The following MERTK variants were observed in gnomAD, a reference collection of about 807,000 sequenced individuals.
MERTK encodes the protein MER proto-oncogene, tyrosine kinase.
MERTK carries 69 observed loss-of-function variants against 99.3 expected under a neutral mutation model. The observed-to-expected ratio is 0.70, with a 90% CI of 0.57 to 0.85. The LOEUF (loss-of-function observed/expected upper bound fraction) is 0.85. Among genes scored for constraint, MERTK ranks in the 40% least tolerant of loss-of-function variants. MERTK has a pLI of 0.00. For missense variants in MERTK, 1,125 were observed against 1,249.4 expected, an observed-to-expected ratio of 0.90 and a Z score of 1.50; for synonymous variants, 426 against 467.6, an observed-to-expected ratio of 0.91 and a Z score of 1.15.
Position 112,018,760 on chromosome 2 carries a change from G to C in MERTK, c.2080-653G>C, listed in dbSNP as rs558026600. 5.9e-5 allele frequency among the ~76,000 whole-genome samples: 9 copies of C among 152,308 alleles called. No individual in the cohort carries two copies. In the East Asian group the frequency reaches 1.5e-3, roughly 26 times the overall value. ...GTTTTCTAACACAGCAATCTAGTTT[G>C]ATTTTTATAAGCTAGAGAAAACACT... On this transcript the variant is annotated intron_variant, in intron 15 of 18. Transcript: ENST00000295408.
chr2:111,962,117 T>C (rs943981444), intron 4 of MERTK, among the ~76,000 whole-genome samples: 14 of 152,248 alleles, frequency 9.2e-5, no homozygotes, highest in African/African-American at 3.4e-4. Context: ...TTTATGAAGA[T>C]ACTACTGTAT....
intron 3 of MERTK, among the ~76,000 whole-genome samples, chr2:111,946,067 G>T (rs1319453432): frequency 1.3e-5 from 2 of 152,148 alleles, no homozygotes; most frequent in African/African-American, 4.8e-5. Context: ...GGAAGCCTCA[G>T]GGAGCACAGA....
At chr2:111,931,994 G>A (rs1326137587) in intron 2 of MERTK, among the ~76,000 whole-genome samples, 3 of 152,122 alleles carry the variant, frequency 2.0e-5, no homozygotes, top group African/African-American at 7.2e-5. Context: ...TCTTGTTTTG[G>A]ACCCATCTCT....
chr2:111,956,137 A>T (rs1422293628), intron 4 of MERTK, among the ~76,000 whole-genome samples: 1 of 152,150 alleles, frequency 6.6e-6, no homozygotes, highest in Non-Finnish European at 1.5e-5. Flanking sequence ...GTTAGTGGGT[A>T]AGAGCTCTAG....
At chr2:111,906,573 T>C (rs567242118) in intron 1 of MERTK, among the ~76,000 whole-genome samples, 13 of 152,368 alleles carry the variant, frequency 8.5e-5, no homozygotes, top group East Asian at 7.7e-4. Context: ...TAAATATTCA[T>C]GGACTTCCCA....
chr2:111,991,147 A>G (rs1341004377), intron 8 of MERTK, among the ~76,000 whole-genome samples: 2 of 152,148 alleles, frequency 1.3e-5, no homozygotes, highest in Non-Finnish European at 2.9e-5. Context: ...CTACCTGATG[A>G]TTTTCTGCCT....
At chr2:112,001,074 A>AG (rs1434706535) in intron 10 of MERTK, 127 bp from the exon 11 acceptor site, 2 of 737,288 alleles carry the variant, frequency 2.7e-6, no homozygotes, top group East Asian at 5.2e-5. Context: ...CGTTTCTTCT[A>AG]GGGGGAAAGC....
intron 18 of MERTK, among the ~76,000 whole-genome samples, chr2:112,027,997 TTC>T (rs1483307929): frequency 2.6e-5 from 4 of 152,240 alleles, no homozygotes; most frequent in Admixed American, 2.6e-4. Context: ...GATAGCTGTG[TTC>T]CAATAAAACT....
At chr2:111,947,850 G>A (rs10171303) in intron 4 of MERTK, among the ~76,000 whole-genome samples, 9,623 of 152,134 alleles carry the variant, frequency 0.063, 358 homozygotes, top group African/African-American at 0.1. Flanking sequence ...AGCCCTGCTC[G>A]CATCTCCCAT....
rs1473640939 is a variant in MERTK at position 111,994,371 on chromosome 2, A to G, written c.1417A>G (p.Ser473Gly). 2 of 1,614,090 alleles carry G rather than the reference A, an allele frequency of 1.2e-6. No homozygotes were observed. The highest frequency in any genetic ancestry group is 1.7e-6 in the Non-Finnish European group (2 of 1,180,048). ...AVTRGGVGPF[S>G]DPVKIFIPAH... ...CACCAGAGGGGGAGTTGGGCCCTTC[A>G]GTGATCCAGTGAAAATATTTATCCC... The change falls in exon 9 of 19, where the codon AGT (serine) becomes GGT (glycine). Residue 473 changes from serine (S) to glycine (G), a missense_variant. Physicochemically the swap from Ser to Gly is moderately conservative, Grantham distance 56. Transcript: ENST00000295408.
chr2:111,960,335 A>C (rs1195212853), intron 4 of MERTK, among the ~76,000 whole-genome samples: 1 of 151,530 alleles, frequency 6.6e-6, no homozygotes, highest in Non-Finnish European at 1.5e-5. Context: ...ACAAAAATTA[A>C]CCGGGCGTGG....
At chr2:111,977,870 C>T (rs978085944) in intron 7 of MERTK, among the ~76,000 whole-genome samples, 16 of 152,016 alleles carry the variant, frequency 1.1e-4, no homozygotes, top group Non-Finnish European at 1.5e-4. Context: ...TCTCATACAC[C>T]GTAATTTTTA....
intron 1 of MERTK, among the ~76,000 whole-genome samples, chr2:111,921,463 G>T (rs1471272855): frequency 1.3e-5 from 2 of 150,228 alleles, no homozygotes; most frequent in Non-Finnish European, 2.9e-5. Context: ...TCACACCACT[G>T]CACTCCAGCC....
intron 1 of MERTK, among the ~76,000 whole-genome samples, chr2:111,924,347 C>T (rs1684516628): frequency 6.6e-6 from 1 of 152,202 alleles, no homozygotes; most frequent in Non-Finnish European, 1.5e-5. Context: ...GAGCCACCAG[C>T]TGTCCACTCC....
intron 1 of MERTK, among the ~76,000 whole-genome samples, chr2:111,922,426 G>A (rs1007239563): frequency 3.3e-5 from 5 of 152,186 alleles, no homozygotes; most frequent in African/African-American, 9.7e-5. Flanking sequence ...TCCCAAGCCC[G>A]ATGTATATTT....
intron 7 of MERTK, among the ~76,000 whole-genome samples, chr2:111,981,140 G>A (rs17340260): frequency 0.016 from 2,461 of 152,238 alleles, 67 homozygotes; most frequent in African/African-American, 0.046. Context: ...AATCAGCAGA[G>A]AAAAAGAGGG....
chr2:111,929,035 T>G, intron 1 of MERTK, 85 bp from the exon 2 acceptor site: 1 of 1,443,904 alleles, frequency 6.9e-7, no homozygotes, highest in South Asian at 1.2e-5. Flanking sequence ...CCCAGTGCTC[T>G]CTCTTCTTGG....
chr2:111,953,145 T>C (rs751890097), intron 4 of MERTK, among the ~76,000 whole-genome samples: 8 of 152,250 alleles, frequency 5.3e-5, no homozygotes, highest in Middle Eastern at 3.4e-3. Context: ...GCATGATGAA[T>C]TCACTCTCCA....
At chr2:111,911,019 G>C (rs1439409703) in intron 1 of MERTK, among the ~76,000 whole-genome samples, 1 of 152,112 alleles carries the variant, frequency 6.6e-6, no homozygotes, top group Non-Finnish European at 1.5e-5. Flanking sequence ...AAAAGAAGGT[G>C]ATAACTCAAT....
Sources: gnomAD v4.1 joint callset for allele counts (sites outside exome capture counted in the v4.1 genomes callset) on GRCh38, gnomAD v4.1.1 for gene constraint, MANE v1.5 for transcripts, NCBI Gene and HGNC (gene_info 2026-07-23, HGNC 2026-07-21) for gene names.